The following ADARB2 variants were observed in gnomAD, a reference collection of about 807,000 sequenced individuals.
The protein encoded by ADARB2 is adenosine deaminase RNA specific B2 (inactive).
In ADARB2, 25 loss-of-function variants were observed where a neutral mutation model predicts 62.2. The ratio of observed to expected loss-of-function variants is 0.40; its 90% confidence interval spans 0.29 to 0.56. The LOEUF (loss-of-function observed/expected upper bound fraction) is 0.56. Ranked by LOEUF, ADARB2 falls within the 20% of genes least tolerant of loss-of-function variation. ADARB2 has a pLI of 0.43. For missense variants in ADARB2, 1,071 were observed against 1,077.4 expected (o/e 0.99, Z 0.08); for synonymous variants, 572 against 500.8 (o/e 1.14, Z -1.90).
At chr10:1,353,346 A>G in intron 3 of ADARB2, among the ~76,000 whole-genome samples, 1 of 152,184 alleles carries the variant, frequency 6.6e-6, no homozygotes, top group East Asian at 1.9e-4. Context: ...CTCCTTAGCG[A>G]ACATCCGCTG....
At chr10:1,556,967 A>G (rs537259791) in intron 1 of ADARB2, 3 of 396,688 alleles carry the variant, frequency 7.6e-6, no homozygotes, top group African/African-American at 6.3e-5. Flanking sequence ...TCTTTAATCC[A>G]GACAATTTTC....
At chr10:1,244,233 T>C (rs1285889047) in intron 4 of ADARB2, among the ~76,000 whole-genome samples, 1 of 152,222 alleles carries the variant, frequency 6.6e-6, no homozygotes, top group African/African-American at 2.4e-5. Flanking sequence ...TGTTGAGAAA[T>C]GGTTCACAAG....
At chr10:1,406,161 G>A (rs559374537) in intron 1 of ADARB2, among the ~76,000 whole-genome samples, 4 of 152,330 alleles carry the variant, frequency 2.6e-5, no homozygotes, top group East Asian at 1.9e-4. Context: ...TTTTCACTGC[G>A]ATGAGCTTGC....
chr10:1,396,558 C>T (rs1457872352), intron 1 of ADARB2, among the ~76,000 whole-genome samples: 3 of 151,954 alleles, frequency 2.0e-5, no homozygotes, highest in African/African-American at 7.3e-5. Context: ...CCTGTGACGC[C>T]TACTAACCGC....
intron 3 of ADARB2, among the ~76,000 whole-genome samples, chr10:1,353,109 C>T (rs996151309): frequency 2.0e-5 from 3 of 152,194 alleles, no homozygotes; most frequent in Non-Finnish European, 4.4e-5. Flanking sequence ...ATTCAGGCCC[C>T]CTCCCTTCCC....
At chr10:1,216,406 T>C (rs1383067140) in intron 7 of ADARB2, 1 of 153,990 alleles carries the variant, frequency 6.5e-6, no homozygotes, top group East Asian at 1.9e-4. Context: ...AGCTTCCTGC[T>C]CCTCTGCACA....
chr10:1,243,905 C>T, intron 4 of ADARB2, among the ~76,000 whole-genome samples: 1 of 152,224 alleles, frequency 6.6e-6, no homozygotes, highest in East Asian at 1.9e-4. Context: ...TGCCCCCTCC[C>T]TGGTGGGACG....
chr10:1,698,957 C>T (rs561632398), intron 1 of ADARB2, among the ~76,000 whole-genome samples: 4 of 152,250 alleles, frequency 2.6e-5, no homozygotes, highest in Middle Eastern at 3.4e-3. Context: ...GATTGGGTTT[C>T]GCCATGTTGG....
At chr10:1,594,872 T>C (rs1237994257) in intron 1 of ADARB2, among the ~76,000 whole-genome samples, 2 of 152,178 alleles carry the variant, frequency 1.3e-5, no homozygotes, top group African/African-American at 2.4e-5. Flanking sequence ...GAGCAAGGCT[T>C]GAAGATGTGT....
intron 1 of ADARB2, among the ~76,000 whole-genome samples, chr10:1,462,462 G>C (rs1444642414): frequency 3.9e-5 from 6 of 152,262 alleles, no homozygotes; most frequent in Non-Finnish European, 7.3e-5. Flanking sequence ...TTTCAGAATG[G>C]GATGAGGCTG....
chr10:1,294,683 A>G (rs772276194), intron 3 of ADARB2, among the ~76,000 whole-genome samples: 11 of 152,084 alleles, frequency 7.2e-5, no homozygotes, highest in Non-Finnish European at 1.3e-4. Flanking sequence ...CCCAACGTCA[A>G]AGCTTTGCTG....
At chr10:1,414,115 G>C (rs569950845) in intron 1 of ADARB2, among the ~76,000 whole-genome samples, 29 of 152,302 alleles carry the variant, frequency 1.9e-4, no homozygotes, top group Admixed American at 1.5e-3. Flanking sequence ...CACAGCCATG[G>C]CCTCCAGCCA....
At chr10:1,228,242 T>G (rs1830765768) in intron 6 of ADARB2, among the ~76,000 whole-genome samples, 1 of 152,190 alleles carries the variant, frequency 6.6e-6, no homozygotes, top group Non-Finnish European at 1.5e-5. Context: ...GACTGGAGAA[T>G]TTAAGCTGCT....
intron 1 of ADARB2, among the ~76,000 whole-genome samples, chr10:1,666,406 C>G (rs1051336196): frequency 6.6e-6 from 1 of 152,234 alleles, no homozygotes; most frequent in Non-Finnish European, 1.5e-5. Context: ...CAGCCTCTCT[C>G]GCCCAGGTGA....
At chr10:1,581,367 G>A (rs1032361110) in intron 1 of ADARB2, among the ~76,000 whole-genome samples, 7 of 152,228 alleles carry the variant, frequency 4.6e-5, no homozygotes, top group African/African-American at 1.7e-4. Flanking sequence ...TCTGCTGGTA[G>A]AGAAATGTCA....
At position 1,723,510 on chromosome 10, in the gene ADARB2, A is replaced by G. The variant is rs376566082; in HGVS notation, c.100+13541T>C. On this transcript the variant is annotated intron_variant, in intron 1 of 9. Coordinates refer to ENST00000381312, the MANE Select transcript of ADARB2 (RefSeq NM_018702.4). ...CACTTCCCTCATCCAGGAGATAGAG[A>G]CACAGTTTAGTTGATGGTGTCTTAG... is the stretch of plus-strand genomic sequence containing the variant. 5.3e-5 allele frequency among the ~76,000 whole-genome samples: 8 copies of G among 152,264 alleles called. No homozygotes were observed. The East Asian group carries it at 1.4e-3, about 26-fold the overall frequency.
Position 1,399,365 on chromosome 10 carries a change from T to G in ADARB2, c.101-20205A>C, listed in dbSNP as rs74432294. Among the ~76,000 whole-genome samples the G allele has an allele frequency of 1.6e-3, 248 of 152,268 alleles. 1 individual carries two copies. The highest frequency in any genetic ancestry group is 5.8e-3 in the African/African-American group (242 of 41,548). On this transcript the variant is annotated intron_variant, in intron 1 of 9. Coordinates refer to ENST00000381312, the MANE Select transcript of ADARB2 (RefSeq NM_018702.4). Reference sequence around the variant, plus strand: ...GGTGACGCCACCCCAGATTTGCAGATGAGACCCTTTTATGGGACAGGTGGG... The same window carrying G: ...GGTGACGCCACCCCAGATTTGCAGAGGAGACCCTTTTATGGGACAGGTGGG...
intron 2 of ADARB2, among the ~76,000 whole-genome samples, chr10:1,364,947 A>G (rs1329255760): frequency 6.9e-6 from 1 of 145,296 alleles, no homozygotes. Flanking sequence ...ATCTTGGCCC[A>G]CTGCAACCTC....
Position 1,693,514 on chromosome 10 carries a change from C to T in ADARB2, c.100+43537G>A, listed in dbSNP as rs1215040835. 7.2e-5 allele frequency among the ~76,000 whole-genome samples: 11 copies of T among 152,248 alleles called. No individual in the cohort carries two copies. The East Asian group carries it at 2.1e-3, about 29-fold the overall frequency. On this transcript the variant is annotated intron_variant, in intron 1 of 9. Transcript: ENST00000381312. The stretch of plus-strand genomic sequence containing the variant: ...CTGAGATACAAAATAAATTATTTTT[C>T]CTATTGGATATAATTTAGAATTACT...
Sources: gnomAD v4.1 joint callset for allele counts (sites outside exome capture counted in the v4.1 genomes callset) on GRCh38, gnomAD v4.1.1 for gene constraint, MANE v1.5 for transcripts, NCBI Gene and HGNC (gene_info 2026-07-23, HGNC 2026-07-21) for gene names.